Variants in PTPRG observed in about 807,000 individuals in gnomAD.
The protein encoded by PTPRG is protein tyrosine phosphatase receptor type G, also known as receptor-type tyrosine-protein phosphatase gamma.
PTPRG carries 102 observed loss-of-function variants against 165.3 expected under a neutral mutation model. The observed-to-expected ratio is 0.62, with a 90% CI of 0.53 to 0.73. The LOEUF (loss-of-function observed/expected upper bound fraction) is 0.73. Among genes scored for constraint, PTPRG ranks in the 30% least tolerant of loss-of-function variants. The pLI is 0.00. For missense variants in PTPRG, 1,866 were observed against 1,861.4 expected (o/e 1.00, Z -0.05); for synonymous variants, 675 against 669.5 (o/e 1.01, Z -0.13).
chr3:61,812,317 A>G (rs946206420), intron 2 of PTPRG, among the ~76,000 whole-genome samples: 6 of 151,898 alleles, frequency 4.0e-5, no homozygotes, highest in South Asian at 2.1e-4. Context: ...CATTTTGTCA[A>G]TCCATCTGTG....
chr3:62,013,364 C>T (rs1167459700), intron 4 of PTPRG, among the ~76,000 whole-genome samples: 2 of 152,042 alleles, frequency 1.3e-5, no homozygotes, highest in Non-Finnish European at 2.9e-5. Context: ...CTAACAAATT[C>T]TTTAGGAGGT....
chr3:62,211,905 A>C (rs781154585), intron 12 of PTPRG, among the ~76,000 whole-genome samples: 2 of 152,038 alleles, frequency 1.3e-5, no homozygotes, highest in Non-Finnish European at 2.9e-5. Context: ...AGTAAAAGGC[A>C]AACAGCATTA....
At chr3:61,609,299 T>G (rs769698304) in intron 1 of PTPRG, among the ~76,000 whole-genome samples, 1 of 152,194 alleles carries the variant, frequency 6.6e-6, no homozygotes, top group African/African-American at 2.4e-5. Flanking sequence ...GTTTTCCTGT[T>G]CCATTTCTAC....
At position 61,680,517 on chromosome 3, in the gene PTPRG, AAC is replaced by A. The variant is rs1248104408; in HGVS notation, c.86-68357_86-68356del. Among the ~76,000 whole-genome samples, 648 of 138,970 alleles carry A rather than the reference AAC, an allele frequency of 4.7e-3. 14 individuals carry two copies. Among genetic ancestry groups the A allele is most frequent in the African/African-American group, 0.017 (621 of 37,516 alleles). The allele number at this position is 138,970 out of a possible 152,430, so 91.2% of individuals were successfully genotyped here. On this transcript the variant is annotated intron_variant, in intron 1 of 29. Transcript: ENST00000474889. The stretch of plus-strand genomic sequence containing the variant: ...CAGCTTTATGAAAAAAAAAAAAAAA[AAC>A]ACAAAAAAACAGCATGGGAGCCTGG...
At chr3:61,693,863 C>T (rs538905919) in intron 1 of PTPRG, among the ~76,000 whole-genome samples, 23 of 151,960 alleles carry the variant, frequency 1.5e-4, no homozygotes, top group African/African-American at 5.6e-4. Flanking sequence ...AAAAAATTAG[C>T]CAGGCATGGC....
intron 2 of PTPRG, chr3:61,769,827 C>A (rs1037478829): frequency 1.3e-5 from 2 of 152,078 alleles, no homozygotes. Flanking sequence ...TTTTTTCTGA[C>A]TGTAAAGAGT....
chr3:61,882,850 GTTC>G (rs988502165), intron 2 of PTPRG, among the ~76,000 whole-genome samples: 10 of 152,222 alleles, frequency 6.6e-5, no homozygotes, highest in East Asian at 1.9e-4. Context: ...ATTCTCCTCT[GTTC>G]TTCTTCTAAA....
rs146348136 is a variant in PTPRG at position 61,986,246 on chromosome 3, C to T, written c.191-3379C>T. 1.0e-3 allele frequency among the ~76,000 whole-genome samples: 157 copies of T among 151,566 alleles called. 4 individuals are homozygous for T. The East Asian group carries it at 0.027, about 26-fold the overall frequency. On this transcript the variant is annotated intron_variant, in intron 2 of 29. Transcript: ENST00000474889. ...CCTAAAAATATGTTTTAAGGGCTTA[C>T]TGTATGTGAGCCCCTGTGATAGGCA...
chr3:62,220,933 C>G (rs1460585181), intron 13 of PTPRG, among the ~76,000 whole-genome samples: 1 of 152,206 alleles, frequency 6.6e-6, no homozygotes, highest in Non-Finnish European at 1.5e-5. Flanking sequence ...TTGTTTCTGA[C>G]TGGCCCACCT....
chr3:62,130,632 T>C (rs1703479653), intron 5 of PTPRG, among the ~76,000 whole-genome samples: 1 of 152,204 alleles, frequency 6.6e-6, no homozygotes, highest in South Asian at 2.1e-4. Flanking sequence ...GATCCTTATT[T>C]TATTCTATTC....
At chr3:61,933,024 A>T (rs1440892989) in intron 2 of PTPRG, among the ~76,000 whole-genome samples, 3 of 152,182 alleles carry the variant, frequency 2.0e-5, no homozygotes, top group Non-Finnish European at 1.5e-5. Flanking sequence ...ATGGCTGAGA[A>T]TTTGTGGTCA....
Position 62,022,224 on chromosome 3 carries a change from A to G in PTPRG, c.519+18727A>G, listed in dbSNP as rs926732649. Among the ~76,000 whole-genome samples the G allele has an allele frequency of 7.9e-5, 12 of 152,216 alleles. No homozygotes were observed. The East Asian group carries it at 2.1e-3, about 27-fold the overall frequency. On this transcript the variant is annotated intron_variant, in intron 4 of 29. Transcript: ENST00000474889. ...GTACTATGTATGTTATAGGTGACCTATTTACATTTTTTGTGAAATAAAAGA... is the reference window on the plus strand; with the variant it reads ...GTACTATGTATGTTATAGGTGACCTGTTTACATTTTTTGTGAAATAAAAGA...
At chr3:61,621,439 G>C (rs1701455032) in intron 1 of PTPRG, among the ~76,000 whole-genome samples, 1 of 152,176 alleles carries the variant, frequency 6.6e-6, no homozygotes, top group Non-Finnish European at 1.5e-5. Flanking sequence ...CCCCAGGTGT[G>C]GGGTGTAGGC....
chr3:61,670,512 G>A (rs767014849), intron 1 of PTPRG, among the ~76,000 whole-genome samples: 8 of 152,150 alleles, frequency 5.3e-5, no homozygotes, highest in South Asian at 2.1e-4. Context: ...TATTGTCTGC[G>A]CCCTTATTGA....
At chr3:62,074,173 A>AGAG (rs1453450914) in intron 4 of PTPRG, among the ~76,000 whole-genome samples, 2 of 97,470 alleles carry the variant, frequency 2.1e-5, no homozygotes, top group Non-Finnish European at 3.9e-5. Context: ...TGAGGAAAAA[A>AGAG]AGTGAGAGTG....
intron 4 of PTPRG, among the ~76,000 whole-genome samples, chr3:62,037,580 C>A (rs1327997969): frequency 2.0e-5 from 3 of 152,210 alleles, no homozygotes; most frequent in Non-Finnish European, 4.4e-5. Flanking sequence ...TGGACCTACT[C>A]TTGTGTGCCA....
At chr3:61,862,183 G>A (rs2037288548) in intron 2 of PTPRG, among the ~76,000 whole-genome samples, 1 of 152,058 alleles carries the variant, frequency 6.6e-6, no homozygotes, top group Admixed American at 6.6e-5. Context: ...TAGATTCCTT[G>A]CTCCTTAAGA....
intron 5 of PTPRG, among the ~76,000 whole-genome samples, chr3:62,101,708 A>G (rs1422173515): frequency 1.3e-5 from 2 of 152,210 alleles, no homozygotes; most frequent in African/African-American, 2.4e-5. Context: ...CAGATGTTTT[A>G]GTTTGGCCCA....
In PTPRG at chr3:62,252,531, G is replaced by C. The variant is rs1470477128; in HGVS notation, c.2468-2593G>C. Among the ~76,000 whole-genome samples the C allele has an allele frequency of 6.6e-6, 1 of 152,120 alleles. No individual in the cohort carries two copies. The highest frequency in any genetic ancestry group is 2.4e-5 in the African/African-American group (1 of 41,422). The stretch of plus-strand genomic sequence containing the variant: ...ATCTTTAATGAAACTCAGACATTTA[G>C]GTGGAGATAGCATGTTTTGGATGAA... On this transcript the variant is annotated intron_variant, in intron 15 of 29. Transcript: ENST00000474889. This position sits in a 1 kb window ranked among gnomAD's most constrained non-coding sequence, Gnocchi z 4.6.
Sources: gnomAD v4.1 joint callset for allele counts (sites outside exome capture counted in the v4.1 genomes callset) on GRCh38, gnomAD v4.1.1 for gene constraint, Gnocchi (gnomAD v3.1) non-coding constraint, MANE v1.5 for transcripts, NCBI Gene and HGNC (gene_info 2026-07-23, HGNC 2026-07-21) for gene names.